PCDHA7: variants seen among roughly 807,000 people sequenced by gnomAD.
The protein encoded by PCDHA7 is protocadherin alpha-7.
Under a neutral mutation model 57.2 loss-of-function variants are expected in PCDHA7, and 37 were observed. The observed-to-expected ratio is 0.65, with a 90% CI of 0.50 to 0.85. The LOEUF (loss-of-function observed/expected upper bound fraction) is 0.85, where lower values mean the gene tolerates loss of function less well. Ranked by LOEUF, PCDHA7 falls within the 40% of genes least tolerant of loss-of-function variation. The pLI is 0.00. For synonymous variants in PCDHA7, 553 were observed against 558.8 expected (o/e 0.99, Z 0.15); for missense variants, 1,188 against 1,241.8 (o/e 0.96, Z 0.65).
At chr5:140,869,313 A>G in intron 1 of PCDHA7, 1 of 1,613,732 alleles carries the variant, frequency 6.2e-7, no homozygotes, top group Non-Finnish European at 8.5e-7. Context: ...CGTCCAAAAC[A>G]CATGGGGACC....
chr5:140,883,930 C>T, intron 1 of PCDHA7: 1 of 1,613,066 alleles, frequency 6.2e-7, no homozygotes, highest in East Asian at 2.2e-5. Context: ...TGCAGGTGTT[C>T]GTGCTGGACG....
chr5:140,964,138 C>T (rs529852998), intron 1 of PCDHA7, among the ~76,000 whole-genome samples: 1 of 152,300 alleles, frequency 6.6e-6, no homozygotes, highest in Admixed American at 6.5e-5. Flanking sequence ...GTAAGGTTGG[C>T]AGGAGCCTCA....
chr5:140,946,491 G>T (rs1292553232), intron 1 of PCDHA7, among the ~76,000 whole-genome samples: 2 of 151,676 alleles, frequency 1.3e-5, no homozygotes, highest in Middle Eastern at 3.4e-3. Context: ...CAAAGGAAAT[G>T]AAATCAGTAT....
At chr5:140,939,253 G>C (rs1399135372) in intron 1 of PCDHA7, among the ~76,000 whole-genome samples, 2 of 152,060 alleles carry the variant, frequency 1.3e-5, no homozygotes, top group African/African-American at 4.8e-5. Context: ...TAGCTCTCTG[G>C]AACCTCTTTT....
intron 1 of PCDHA7, chr5:140,869,067 G>T (rs1220928735): frequency 6.4e-7 from 1 of 1,570,438 alleles, no homozygotes; most frequent in Non-Finnish European, 8.6e-7. Flanking sequence ...TACTGTAAGT[G>T]TAAAGAAGCT....
intron 1 of PCDHA7, among the ~76,000 whole-genome samples, chr5:140,934,797 T>A (rs1045887352): frequency 6.6e-6 from 1 of 152,236 alleles, no homozygotes; most frequent in African/African-American, 2.4e-5. Context: ...CAATTATCTT[T>A]TTAATGATCA....
At chr5:140,995,570 A>G (rs186345842) in intron 3 of PCDHA7, among the ~76,000 whole-genome samples, 1 of 152,210 alleles carries the variant, frequency 6.6e-6, no homozygotes, top group African/African-American at 2.4e-5. Flanking sequence ...ATATGTCAAG[A>G]TGAGCTATGA....
intron 1 of PCDHA7, among the ~76,000 whole-genome samples, chr5:140,886,582 C>A (rs1304608793): frequency 6.6e-6 from 1 of 151,938 alleles, no homozygotes; most frequent in African/African-American, 2.4e-5. Flanking sequence ...AATCCCAGCA[C>A]TTTGGGAGGC....
At chr5:140,966,654 T>C in intron 1 of PCDHA7, 1 of 1,185,100 alleles carries the variant, frequency 8.4e-7, no homozygotes, top group Non-Finnish European at 1.1e-6. Flanking sequence ...GCGTGAGCGG[T>C]GGGGGAGCAG....
chr5:140,929,508 A>C (rs1200880949), intron 1 of PCDHA7: 3 of 831,290 alleles, frequency 3.6e-6, no homozygotes, highest in Non-Finnish European at 5.1e-6. Context: ...CCTAGGCCTC[A>C]AGGGACTTAT....
intron 1 of PCDHA7, chr5:140,871,260 G>T (rs761268820): frequency 1.4e-5 from 22 of 1,613,980 alleles, no homozygotes; most frequent in Admixed American, 8.3e-5. Context: ...TGTATACGGC[G>T]CTGTGGTGGT....
intron 1 of PCDHA7, chr5:140,868,954 C>G: frequency 7.4e-7 from 1 of 1,348,952 alleles, no homozygotes; most frequent in Non-Finnish European, 1.0e-6. Flanking sequence ...GTGAGGCACT[C>G]CCATACAAAG....
intron 1 of PCDHA7, among the ~76,000 whole-genome samples, chr5:140,948,168 T>G (rs1217978838): frequency 6.6e-6 from 1 of 151,636 alleles, no homozygotes; most frequent in Non-Finnish European, 1.5e-5. Flanking sequence ...AACCTTCCAT[T>G]CCTAGGGTAA....
intron 1 of PCDHA7, among the ~76,000 whole-genome samples, chr5:140,911,441 T>C (rs2075476385): frequency 6.6e-6 from 1 of 152,154 alleles, no homozygotes. Context: ...TTTCCCGCAA[T>C]TTCAGCTCTT....
intron 3 of PCDHA7, among the ~76,000 whole-genome samples, chr5:141,001,247 A>G (rs547699044): frequency 1.3e-5 from 2 of 152,256 alleles, no homozygotes; most frequent in African/African-American, 2.4e-5. Flanking sequence ...AATCAACCCT[A>G]TGGGGCGGGC....
At chr5:140,926,281 T>A (rs2083071196) in intron 1 of PCDHA7, 1 of 152,306 alleles carries the variant, frequency 6.6e-6, no homozygotes, top group African/African-American at 2.4e-5. Context: ...GCTCGGCAGC[T>A]CCACGCTGAG....
At chr5:140,866,708 C>G (rs781977454) in intron 1 of PCDHA7, 2 of 152,102 alleles carry the variant, frequency 1.3e-5, no homozygotes, top group African/African-American at 2.4e-5. Flanking sequence ...ATGACGTGCA[C>G]TAGTAAGACA....
intron 1 of PCDHA7, among the ~76,000 whole-genome samples, chr5:140,907,664 T>G (rs2073522534): frequency 6.6e-6 from 1 of 152,216 alleles, no homozygotes; most frequent in Non-Finnish European, 1.5e-5. Context: ...CAGCAGTGGC[T>G]GTAGCCAGGT....
At chr5:140,927,558 T>C (rs1554204736) in intron 1 of PCDHA7, 1 of 1,614,144 alleles carries the variant, frequency 6.2e-7, no homozygotes, top group East Asian at 2.2e-5. Context: ...TCACCATCAT[T>C]GTGGTGGACA....
Sources: gnomAD v4.1 joint callset for allele counts (sites outside exome capture counted in the v4.1 genomes callset) on GRCh38, gnomAD v4.1.1 for gene constraint, MANE v1.5 for transcripts, NCBI Gene and HGNC (gene_info 2026-07-23, HGNC 2026-07-21) for gene names.